Variants in LSG1 observed in about 807,000 individuals in gnomAD.
LSG1 encodes the protein large 60S subunit nuclear export GTPase 1.
A neutral mutation model predicts 82.6 loss-of-function variants in LSG1; 55 were observed. The ratio of observed to expected loss-of-function variants is 0.67; its 90% CI spans 0.54 to 0.83. LSG1 has a LOEUF of 0.83. LSG1 is among the 40% of genes least tolerant of loss of function. The pLI, the probability that LSG1 is intolerant of heterozygous loss-of-function variation, is 0.00. For synonymous variants in LSG1, 272 were observed against 282.5 expected, an observed-to-expected ratio of 0.96 and a Z score of 0.37; for missense variants, 809 against 807.9, an observed-to-expected ratio of 1.00 and a Z score of -0.02.
Position 194,650,877 on chromosome 3 carries a change from A to G in LSG1, c.1419+4T>C. On this transcript the variant is annotated splice_donor_region_variant and intron_variant, in intron 10 of 13. Coordinates refer to ENST00000265245, the MANE Select transcript of LSG1 (RefSeq NM_018385.3). ...CTAGAGTGTTTCCAAAGCAGAAAGG[A>G]TATTAGTGATACAGGAGGAACATGA... 1 of 1,611,400 alleles carries G rather than the reference A, an allele frequency of 6.2e-7. No individual in the cohort carries two copies. Among genetic ancestry groups the G allele is most frequent in the Non-Finnish European group, 8.5e-7 (1 of 1,178,806 alleles).
rs1291259360 is a variant in LSG1 at position 194,652,868 on chromosome 3, T to C, written c.1034A>G (p.Glu345Gly). 6.2e-7 allele frequency: 1 copy of C among 1,614,006 alleles called. No individual in the cohort carries two copies. The highest frequency in any genetic ancestry group is 8.5e-7 in the Non-Finnish European group (1 of 1,180,036). ...CTGTGGGGTTTTCCTGCTCCGAGCC[T>C]CAGAATCTGCAGTAGAGCTTTCCTT... is the stretch of plus-strand genomic sequence containing the variant. ...DWKESSTADS[E>G]ARSRKTPQKR... Residue 345 changes from glutamate (E) to glycine (G), a missense_variant, in exon 8 of 14, where the codon GAG (glutamate) becomes GGG (glycine). Physicochemically the swap from Glu to Gly is moderately conservative, Grantham distance 98 (BLOSUM62 -2). Transcript: ENST00000265245.
chr3:194,652,076 C>T (rs73069330), intron 8 of LSG1, among the ~76,000 whole-genome samples: 3,325 of 152,290 alleles, frequency 0.022, 85 homozygotes, highest in African/African-American at 0.062. Context: ...CATGCCATGA[C>T]CTCCTTTCCC....
At position 194,653,091 on chromosome 3, in the gene LSG1, A is replaced by C. The variant is rs770073237; in HGVS notation, c.811T>G (p.Ser271Ala). 5.0e-6 allele frequency: 8 copies of C among 1,614,084 alleles called. No homozygotes were observed. Among genetic ancestry groups the C allele is most frequent in the Admixed American group, 3.3e-5 (2 of 59,994 alleles). Residue 271 changes from serine (S) to alanine (A), a missense_variant, in exon 8 of 14, where the codon TCC (serine) becomes GCC (alanine). Physicochemically the swap from Ser to Ala is moderately conservative, Grantham distance 99. Transcript: ENST00000265245. Reference sequence around the variant, plus strand: ...GAAATTTCAGCCTGGTCGAAACTGGAATGTCCAAACTTGGTTGTGTTGCTT... The same window carrying C: ...GAAATTTCAGCCTGGTCGAAACTGGCATGTCCAAACTTGGTTGTGTTGCTT... ...RQSNTTKFGH[S>A]SFDQAEISHS...
intron 7 of LSG1, among the ~76,000 whole-genome samples, chr3:194,653,515 C>CA (rs35726683): frequency 0.36 from 40,411 of 112,650 alleles, 6,463 homozygotes; most frequent in East Asian, 0.66. Context: ...CTCTGTCTCA[C>CA]AAAAAAAAAA....
chr3:194,645,369 G>A (rs1363342475), intron 12 of LSG1: 1 of 152,178 alleles, frequency 6.6e-6, no homozygotes. Context: ...TTGAGAAGAG[G>A]AGGAAATAAA....
chr3:194,648,789 G>C lies in LSG1; in HGVS notation c.1435C>G (p.Pro479Ala), dbSNP rs1407733104. The change falls in exon 11 of 14, where the codon CCA (proline) becomes GCA (alanine). Residue 479 changes from proline (P) to alanine (A), a missense_variant. Transcript: ENST00000265245. ...PPVSLVCQNI[P>A]RHVLEATYGI... ...TAGGTAGCTTCTAAAACATGTCTTG[G>C]AATATTCTGGCAAACGTAGCTTGTC... The C allele has an allele frequency of 6.2e-7, 1 of 1,613,786 alleles. No individual in the cohort carries two copies. The highest frequency in any genetic ancestry group is 2.2e-5 in the East Asian group (1 of 44,854).
chr3:194,666,093 T>C (rs1719023449), intron 4 of LSG1, 110 bp downstream of exon 4: 5 of 955,110 alleles, frequency 5.2e-6, no homozygotes, highest in Admixed American at 4.3e-5. Context: ...AATGCTACCA[T>C]TTCCTTCTTA....
At chr3:194,657,579 G>A (rs1162431539) in intron 7 of LSG1, among the ~76,000 whole-genome samples, 1 of 151,320 alleles carries the variant, frequency 6.6e-6, no homozygotes, top group Non-Finnish European at 1.5e-5. Context: ...TGACTATCCT[G>A]ATCACAAGAA....
At chr3:194,646,015 A>G in intron 12 of LSG1, 149 bp downstream of exon 12, 1 of 718,638 alleles carries the variant, frequency 1.4e-6, no homozygotes, top group South Asian at 1.9e-5. Context: ...TATAATCCAT[A>G]TAATGTTAAC....
chr3:194,656,630 C>T (rs1718795636), intron 7 of LSG1, among the ~76,000 whole-genome samples: 1 of 152,054 alleles, frequency 6.6e-6, no homozygotes, highest in Admixed American at 6.6e-5. Context: ...CCATTTGACC[C>T]AGCCATCCCA....
intron 2 of LSG1, among the ~76,000 whole-genome samples, chr3:194,667,942 A>AAAATATATAT (rs1416407494): frequency 5.7e-5 from 5 of 86,968 alleles, no homozygotes; most frequent in African/African-American, 1.9e-4. Context: ...AAAAAAAAAA[A>AAAATATATAT]ATATATATAT....
At chr3:194,649,189 C>T (rs986066417) in intron 10 of LSG1, among the ~76,000 whole-genome samples, 11 of 152,074 alleles carry the variant, frequency 7.2e-5, no homozygotes, top group African/African-American at 2.7e-4. Flanking sequence ...GTCTCATCTC[C>T]CATAGTTTGT....
chr3:194,668,624 T>A (rs530770452), intron 2 of LSG1, among the ~76,000 whole-genome samples: 143 of 152,328 alleles, frequency 9.4e-4, no homozygotes, highest in African/African-American at 3.2e-3. Flanking sequence ...ACTACCTGTA[T>A]TTCAGTTCTG....
chr3:194,665,677 AG>A (rs965283096), intron 4 of LSG1, 34 bp from the exon 5 acceptor site: 2 of 1,275,512 alleles, frequency 1.6e-6, no homozygotes, highest in African/African-American at 3.0e-5. Context: ...TATATTTGCC[AG>A]ATTATAATAG....
chr3:194,670,605 G>A (rs1468165619), intron 1 of LSG1, among the ~76,000 whole-genome samples: 2 of 152,060 alleles, frequency 1.3e-5, no homozygotes, highest in African/African-American at 4.8e-5. Context: ...CAGTAAAATG[G>A]CAATAGAAGA....
At chr3:194,670,895 C>A (rs1340476880) in intron 1 of LSG1, among the ~76,000 whole-genome samples, 2 of 151,470 alleles carry the variant, frequency 1.3e-5, no homozygotes, top group Non-Finnish European at 2.9e-5. Flanking sequence ...GCTTGGGCAA[C>A]ACAGCAAGAC....
At chr3:194,664,759 CAA>C (rs879924796) in intron 5 of LSG1, among the ~76,000 whole-genome samples, 1 of 144,276 alleles carries the variant, frequency 6.9e-6, no homozygotes, top group Non-Finnish European at 1.5e-5. Flanking sequence ...ACTAAAAATA[CAA>C]AAAAAAAAAT....
At chr3:194,668,630 T>C (rs910644586) in intron 2 of LSG1, among the ~76,000 whole-genome samples, 1 of 152,202 alleles carries the variant, frequency 6.6e-6, no homozygotes. Flanking sequence ...TGTATTTCAG[T>C]TCTGGCCTAT....
At chr3:194,666,677 C>A in intron 2 of LSG1, 105 bp from the exon 3 acceptor site, 1 of 897,806 alleles carries the variant, frequency 1.1e-6, no homozygotes, top group South Asian at 1.9e-5. Context: ...CCTAAGAGAA[C>A]TTAAGATTTC....
Sources: gnomAD v4.1 joint callset for allele counts (sites outside exome capture counted in the v4.1 genomes callset) on GRCh38, gnomAD v4.1.1 for gene constraint, MANE v1.5 for transcripts, NCBI Gene and HGNC (gene_info 2026-07-23, HGNC 2026-07-21) for gene names.